ASIC2: variants seen among roughly 807,000 people sequenced by gnomAD.
ASIC2 encodes the protein acid sensing ion channel subunit 2, also known as acid-sensing ion channel 2.
ASIC2 carries 25 observed loss-of-function variants against 57.3 expected under a neutral mutation model. That is an observed-to-expected ratio of 0.44 (90% CI 0.32 to 0.61). The LOEUF is 0.61. Among genes scored for constraint, ASIC2 ranks in the 20% least tolerant of loss-of-function variants. The probability of loss-of-function intolerance (pLI) is 0.06; values close to 1 mark genes in which losing one functional copy is unlikely to be tolerated. For synonymous variants in ASIC2, 319 were observed against 307.5 expected (o/e 1.04, Z -0.39); for missense variants, 641 against 738.1 (o/e 0.87, Z 1.52).
At chr17:33,625,131 C>CTATCTATA (rs1555548117) in intron 1 of ASIC2, among the ~76,000 whole-genome samples, 3 of 91,202 alleles carry the variant, frequency 3.3e-5, no homozygotes, top group African/African-American at 9.5e-5. Context: ...GCCTCTCTGT[C>CTATCTATA]TATCTATCTA....
At chr17:33,855,768 G>T (rs910624608) in intron 1 of ASIC2, among the ~76,000 whole-genome samples, 2 of 152,262 alleles carry the variant, frequency 1.3e-5, no homozygotes, top group South Asian at 4.2e-4. Flanking sequence ...TAAGGGAAGA[G>T]ATGAAAGATT....
At chr17:34,134,043 G>A (rs985828806) in intron 1 of ASIC2, among the ~76,000 whole-genome samples, 1 of 152,146 alleles carries the variant, frequency 6.6e-6, no homozygotes, top group Non-Finnish European at 1.5e-5. Context: ...TACTTACCAA[G>A]TTCACATAGC....
chr17:33,348,455 C>T (rs1032949319), intron 1 of ASIC2, among the ~76,000 whole-genome samples: 7 of 152,082 alleles, frequency 4.6e-5, no homozygotes, highest in African/African-American at 1.2e-4. Context: ...TCTCCACTCA[C>T]GAGTTGCAGG....
chr17:33,700,032 T>C (rs1012703514), intron 1 of ASIC2, among the ~76,000 whole-genome samples: 2 of 152,156 alleles, frequency 1.3e-5, no homozygotes, highest in Non-Finnish European at 2.9e-5. Flanking sequence ...AAAGACCTAA[T>C]ATTTTGGCTA....
intron 1 of ASIC2, among the ~76,000 whole-genome samples, chr17:34,109,961 AGAAAG>A (rs1911210845): frequency 6.6e-6 from 1 of 151,672 alleles, no homozygotes; most frequent in African/African-American, 2.4e-5. Flanking sequence ...TGTGTGAGAG[AGAAAG>A]AGAGAGAGAG....
chr17:33,659,656 G>C (rs916760707), intron 1 of ASIC2, among the ~76,000 whole-genome samples: 4 of 151,988 alleles, frequency 2.6e-5, no homozygotes, highest in Non-Finnish European at 5.9e-5. Context: ...AGATCACTAG[G>C]TCAAGAGATG....
intron 1 of ASIC2, among the ~76,000 whole-genome samples, chr17:33,384,532 C>A (rs549673570): frequency 1.3e-5 from 2 of 152,298 alleles, no homozygotes; most frequent in African/African-American, 4.8e-5. Flanking sequence ...CAAGTTATGT[C>A]TGTTTACCTG....
At chr17:33,172,436 G>A (rs1905558715) in intron 1 of ASIC2, among the ~76,000 whole-genome samples, 1 of 152,202 alleles carries the variant, frequency 6.6e-6, no homozygotes, top group South Asian at 2.1e-4. Context: ...ACAAAACATG[G>A]TGGGAATGGC....
intron 1 of ASIC2, among the ~76,000 whole-genome samples, chr17:33,662,584 C>T (rs1391286190): frequency 6.6e-6 from 1 of 151,506 alleles, no homozygotes; most frequent in Non-Finnish European, 1.5e-5. Context: ...GATCATGCCA[C>T]TGTACTCCAG....
intron 1 of ASIC2, among the ~76,000 whole-genome samples, chr17:33,191,572 G>T (rs973877068): frequency 1.3e-5 from 2 of 151,786 alleles, no homozygotes; most frequent in African/African-American, 2.4e-5. Flanking sequence ...AGAGAGGGAG[G>T]AGAAGGAGGA....
At chr17:33,334,387 T>C (rs1251604915) in intron 1 of ASIC2, among the ~76,000 whole-genome samples, 1 of 152,166 alleles carries the variant, frequency 6.6e-6, no homozygotes, top group African/African-American at 2.4e-5. Flanking sequence ...TGCATGTCCA[T>C]TGTGTGACAC....
At chr17:33,808,907 A>G (rs1438277698) in intron 1 of ASIC2, among the ~76,000 whole-genome samples, 2 of 152,188 alleles carry the variant, frequency 1.3e-5, no homozygotes, top group Non-Finnish European at 2.9e-5. Context: ...GAAATCCAGG[A>G]CTGCTCAGAT....
At chr17:34,096,124 G>A (rs147002568) in intron 1 of ASIC2, among the ~76,000 whole-genome samples, 12 of 152,084 alleles carry the variant, frequency 7.9e-5, no homozygotes, top group African/African-American at 1.2e-4. Context: ...ATTGTGCCTC[G>A]GGCATAGTAC....
At position 33,968,899 on chromosome 17, in the gene ASIC2, C is replaced by T. The variant is rs559741351; in HGVS notation, c.555+187079G>A. 2.0e-5 allele frequency among the ~76,000 whole-genome samples: 3 copies of T among 152,354 alleles called. No individual in the cohort carries two copies. In the South Asian group the frequency reaches 6.2e-4, roughly 32 times the overall value. ...CCAACTTCCCCAAGGGGACAGGGGG[C>T]TTGTGACAGGTGGTGAAGGGTGGTC... is the stretch of plus-strand genomic sequence containing the variant. On this transcript the variant is annotated intron_variant, in intron 1 of 9. Coordinates refer to the ASIC2 transcript ENST00000359872.
intron 1 of ASIC2, among the ~76,000 whole-genome samples, chr17:33,167,054 G>T (rs1361005697): frequency 6.6e-6 from 1 of 152,104 alleles, no homozygotes; most frequent in East Asian, 1.9e-4. Context: ...TACATAAAGT[G>T]CCCCCTACAG....
At chr17:34,155,113 C>T (rs766287893) in intron 1 of ASIC2, among the ~76,000 whole-genome samples, 3 of 151,832 alleles carry the variant, frequency 2.0e-5, no homozygotes, top group Admixed American at 6.6e-5. Context: ...CACAGCTGTT[C>T]GCCCCCTCCC....
intron 1 of ASIC2, among the ~76,000 whole-genome samples, chr17:33,702,216 C>G (rs1415909996): frequency 6.6e-6 from 1 of 152,128 alleles, no homozygotes; most frequent in Non-Finnish European, 1.5e-5. Context: ...ATACCTCTCC[C>G]AATTGTTGTA....
intron 1 of ASIC2, among the ~76,000 whole-genome samples, chr17:33,401,545 C>T (rs985727345): frequency 6.6e-6 from 1 of 152,180 alleles, no homozygotes; most frequent in African/African-American, 2.4e-5. Context: ...GGAATACAAC[C>T]TCAGCTCTAA....
At chr17:33,324,280 A>G (rs1906980395) in intron 1 of ASIC2, among the ~76,000 whole-genome samples, 1 of 150,660 alleles carries the variant, frequency 6.6e-6, no homozygotes, top group South Asian at 2.1e-4. Context: ...GAACAAGGTT[A>G]TGGACAGAGC....
Sources: allele counts gnomAD v4.1 joint callset (sites outside exome capture counted in the v4.1 genomes callset), GRCh38; gene constraint gnomAD v4.1.1; transcripts MANE v1.5; gene names NCBI Gene and HGNC (gene_info 2026-07-23, HGNC 2026-07-21).